PDE1A: variants seen among roughly 807,000 people sequenced by gnomAD.
PDE1A encodes dual specificity calcium/calmodulin-dependent 3',5'-cyclic nucleotide phosphodiesterase 1A.
PDE1A carries 35 observed loss-of-function variants against 61.7 expected under a neutral mutation model. The ratio of observed to expected loss-of-function variants is 0.57; its 90% CI spans 0.43 to 0.75. The LOEUF (loss-of-function observed/expected upper bound fraction) is 0.75. PDE1A is among the 30% of genes least tolerant of loss of function. PDE1A has a pLI of 0.00. For synonymous variants in PDE1A, 232 were observed against 213.2 expected (o/e 1.09, Z -0.77); for missense variants, 597 against 630.6 (o/e 0.95, Z 0.57).
chr2:182,228,773 GA>G (rs1424101293), intron 6 of PDE1A, among the ~76,000 whole-genome samples: 1 of 152,032 alleles, frequency 6.6e-6, no homozygotes, highest in Non-Finnish European at 1.5e-5. Flanking sequence ...CTTGGTTCTG[GA>G]AAACACTAAA....
At chr2:182,490,495 G>A (rs1054708126) in intron 2 of PDE1A, among the ~76,000 whole-genome samples, 3 of 152,058 alleles carry the variant, frequency 2.0e-5, no homozygotes, top group Admixed American at 1.3e-4. Context: ...TCAGCCTCCC[G>A]AATAGCTGAG....
chr2:182,171,433 T>C (rs1175348124), intron 13 of PDE1A, among the ~76,000 whole-genome samples: 1 of 151,960 alleles, frequency 6.6e-6, no homozygotes, highest in Non-Finnish European at 1.5e-5. Context: ...AATTGATTAA[T>C]CTTTTGATCA....
At chr2:182,705,067 T>C in the PDE1A span, among the ~76,000 whole-genome samples, 240 of 152,336 alleles carry the variant, frequency 1.6e-3, 1 homozygote, top group African/African-American at 5.5e-3. Context: ...AACTGTCAAA[T>C]TGATAAAGTA....
intron 2 of PDE1A, chr2:182,463,475 T>C (rs1463259148): frequency 1.3e-5 from 2 of 152,150 alleles, no homozygotes; most frequent in Non-Finnish European, 2.9e-5. Context: ...TAAACTCCTT[T>C]GTGTGAAAGA....
At chr2:182,670,443 A>C in the PDE1A span, among the ~76,000 whole-genome samples, 13 of 152,270 alleles carry the variant, frequency 8.5e-5, no homozygotes, top group African/African-American at 2.6e-4. Context: ...AAAGCTCTCC[A>C]AGCTATTCTC....
chr2:182,436,216 C>A (rs943600146), intron 2 of PDE1A, among the ~76,000 whole-genome samples: 2 of 152,006 alleles, frequency 1.3e-5, no homozygotes, highest in African/African-American at 4.8e-5. Context: ...TTTCTCTTTG[C>A]TTCTATGGAA....
At chr2:182,658,061 A>AAAAAAAAAAG in the PDE1A span, among the ~76,000 whole-genome samples, 1 of 112,930 alleles carries the variant, frequency 8.9e-6, no homozygotes, top group African/African-American at 3.1e-5. Context: ...AAAAAAAAAA[A>AAAAAAAAAAG]AAAAAAAAAA....
chr2:182,145,796 C>T (rs1690464089), downstream of PDE1A, among the ~76,000 whole-genome samples: 1 of 152,120 alleles, frequency 6.6e-6, no homozygotes, highest in Non-Finnish European at 1.5e-5. Context: ...GTGCCTGACA[C>T]TTTATTGTTG....
chr2:182,609,855 A>G, the PDE1A span, among the ~76,000 whole-genome samples: 1 of 152,152 alleles, frequency 6.6e-6, no homozygotes, highest in Non-Finnish European at 1.5e-5. Flanking sequence ...TGGGAGGCCG[A>G]GGCAGGTGGA....
the PDE1A span, among the ~76,000 whole-genome samples, chr2:182,583,471 C>A: frequency 6.6e-6 from 1 of 152,192 alleles, no homozygotes; most frequent in Non-Finnish European, 1.5e-5. Flanking sequence ...CAATCATCAT[C>A]ATCCATGGAT....
the PDE1A span, among the ~76,000 whole-genome samples, chr2:182,705,206 T>C: frequency 6.6e-6 from 1 of 152,196 alleles, no homozygotes; most frequent in African/African-American, 2.4e-5. Context: ...GGAGTTTTTC[T>C]CCCTTTTCTT....
intron 1 of PDE1A, among the ~76,000 whole-genome samples, chr2:182,298,634 G>A (rs1695042631): frequency 6.6e-6 from 1 of 152,000 alleles, no homozygotes; most frequent in African/African-American, 2.4e-5. Flanking sequence ...TGAAGCAGAT[G>A]GCTCACAAGC....
chr2:182,574,687 TTTGTTTG>T, the PDE1A span, among the ~76,000 whole-genome samples: 1 of 150,320 alleles, frequency 6.7e-6, no homozygotes, highest in Non-Finnish European at 1.5e-5. Flanking sequence ...CTACGTTTTT[TTTGTTTG>T]TTTGTTTTGT....
the PDE1A span, among the ~76,000 whole-genome samples, chr2:182,658,064 A>AAAAAAAAAAAAAAAAAAAAAAAG: frequency 9.4e-6 from 1 of 106,476 alleles, no homozygotes; most frequent in Non-Finnish European, 2.1e-5. Context: ...AAAAAAAAAA[A>AAAAAAAAAAAAAAAAAAAAAAAG]AAAAAAAACA....
intron 7 of PDE1A, among the ~76,000 whole-genome samples, chr2:182,208,738 G>T (rs10209868): frequency 0.01 from 1,579 of 152,262 alleles, 19 homozygotes; most frequent in African/African-American, 0.036. Flanking sequence ...ATGAGACATG[G>T]AGTCAAAAAG....
intron 1 of PDE1A, among the ~76,000 whole-genome samples, chr2:182,343,873 CTTTTT>C (rs11300978): frequency 1.5e-5 from 2 of 129,810 alleles, no homozygotes; most frequent in South Asian, 2.4e-4. Flanking sequence ...TTTTCTTTTT[CTTTTT>C]TTTTTTTTGT....
intron 10 of PDE1A, among the ~76,000 whole-genome samples, chr2:182,200,229 T>A (rs1403187223): frequency 1.3e-5 from 2 of 152,102 alleles, no homozygotes; most frequent in Non-Finnish European, 2.9e-5. Flanking sequence ...ATTTCATGAG[T>A]GATAGGAGAC....
chr2:182,306,167 T>A (rs1481519507), intron 1 of PDE1A, among the ~76,000 whole-genome samples: 2 of 152,152 alleles, frequency 1.3e-5, no homozygotes, highest in African/African-American at 2.4e-5. Flanking sequence ...TTACTTAGCA[T>A]AATGCTCTCC....
intron 2 of PDE1A, among the ~76,000 whole-genome samples, chr2:182,462,244 T>C (rs975700044): frequency 4.6e-5 from 7 of 152,062 alleles, no homozygotes; most frequent in African/African-American, 1.7e-4. Context: ...ACATGGCACA[T>C]GTATACATAT....
Sources: gnomAD v4.1 joint callset for allele counts (sites outside exome capture counted in the v4.1 genomes callset) on GRCh38, gnomAD v4.1.1 for gene constraint, MANE v1.5 for transcripts, NCBI Gene and HGNC (gene_info 2026-07-23, HGNC 2026-07-21) for gene names.